DLGAP1: variants seen among roughly 807,000 people sequenced by gnomAD.
The protein encoded by DLGAP1 is disks large-associated protein 1.
A neutral mutation model predicts 90.8 loss-of-function variants in DLGAP1; 11 were observed. The observed-to-expected ratio is 0.12, with a 90% confidence interval of 0.08 to 0.20. The LOEUF is 0.20. DLGAP1 is among the 10% of genes least tolerant of loss of function. The probability of loss-of-function intolerance (pLI) is 1.00; values close to 1 mark genes in which losing one functional copy is unlikely to be tolerated. For synonymous variants in DLGAP1, 558 were observed against 540.7 expected, an observed-to-expected ratio of 1.03 and a Z score of -0.44; for missense variants, 1,050 against 1,333.8, an observed-to-expected ratio of 0.79 and a Z score of 3.31.
intron 1 of DLGAP1, among the ~76,000 whole-genome samples, chr18:4,191,947 A>C (rs1035865035): frequency 3.9e-5 from 6 of 152,324 alleles, no homozygotes; most frequent in African/African-American, 1.4e-4. Flanking sequence ...ATATATGCCC[A>C]ATAATTATTT....
chr18:3,979,608 G>A (rs1294935658), intron 3 of DLGAP1, among the ~76,000 whole-genome samples: 2 of 152,200 alleles, frequency 1.3e-5, no homozygotes, highest in Non-Finnish European at 2.9e-5. Flanking sequence ...AGTGTACAAA[G>A]TTTCAGTTGG....
chr18:4,175,330 T>C (rs1386731705), intron 1 of DLGAP1, among the ~76,000 whole-genome samples: 1 of 152,202 alleles, frequency 6.6e-6, no homozygotes, highest in Non-Finnish European at 1.5e-5. Flanking sequence ...CTTTGTCAGA[T>C]GGGTAGATTG....
At chr18:3,955,820 C>CA (rs1236718820) in intron 3 of DLGAP1, among the ~76,000 whole-genome samples, 1 of 151,634 alleles carries the variant, frequency 6.6e-6, no homozygotes, top group Non-Finnish European at 1.5e-5. Flanking sequence ...CACTAGGTAA[C>CA]ATTAATGCTA....
chr18:3,665,430 C>T (rs1222223753), intron 7 of DLGAP1, among the ~76,000 whole-genome samples: 1 of 152,124 alleles, frequency 6.6e-6, no homozygotes, highest in East Asian at 1.9e-4. Flanking sequence ...CTTAGCTCTA[C>T]GGATATGGAA....
intron 2 of DLGAP1, among the ~76,000 whole-genome samples, chr18:4,146,507 C>CTT (rs1568420327): frequency 6.6e-6 from 1 of 152,104 alleles, no homozygotes; most frequent in Non-Finnish European, 1.5e-5. Context: ...AGATAAGGCA[C>CTT]TAGAATGGAT....
chr18:4,289,078 G>A (rs982805681), intron 1 of DLGAP1, among the ~76,000 whole-genome samples: 14 of 152,206 alleles, frequency 9.2e-5, no homozygotes, highest in Admixed American at 8.5e-4. Flanking sequence ...GGGCAGGAGT[G>A]TTGTTGGAGA....
chr18:4,065,677 C>T (rs1358860101), intron 2 of DLGAP1, among the ~76,000 whole-genome samples: 1 of 151,946 alleles, frequency 6.6e-6, no homozygotes, highest in Non-Finnish European at 1.5e-5. Flanking sequence ...AGAGATGACA[C>T]AAACAAATGA....
chr18:3,738,610 A>G (rs1170484229), intron 6 of DLGAP1, among the ~76,000 whole-genome samples: 1 of 152,096 alleles, frequency 6.6e-6, no homozygotes, highest in Non-Finnish European at 1.5e-5. Flanking sequence ...CTTACACCTT[A>G]TACAAAAATT....
chr18:4,128,641 C>G (rs181822635), intron 2 of DLGAP1, among the ~76,000 whole-genome samples: 1 of 152,144 alleles, frequency 6.6e-6, no homozygotes, highest in Non-Finnish European at 1.5e-5. Flanking sequence ...CAGAGAGACA[C>G]GGGTCCTTAC....
At chr18:4,027,601 G>C (rs1344799468) in intron 2 of DLGAP1, among the ~76,000 whole-genome samples, 5 of 151,474 alleles carry the variant, frequency 3.3e-5, no homozygotes, top group Non-Finnish European at 5.9e-5. Context: ...CCCAGAGTCT[G>C]GGGCATGGTC....
Position 3,600,729 on chromosome 18 carries a change from GATAT to G in DLGAP1, c.1592-18485_1592-18482del, listed in dbSNP as rs1167524065. On this transcript the variant is annotated intron_variant, in intron 7 of 12. Coordinates refer to ENST00000315677, the MANE Select transcript of DLGAP1 (RefSeq NM_004746.4). Reference sequence around the variant, plus strand: ...ATAGCTATATAGATATAGAGATATAGATATATATAGATATATAGATATATATAGA... The same window carrying G: ...ATAGCTATATAGATATAGAGATATAGATATAGATATATAGATATATATAGA... Among the ~76,000 whole-genome samples the G allele has an allele frequency of 5.4e-3, 146 of 26,824 alleles. 16 individuals are homozygous for G. Among genetic ancestry groups the G allele is most frequent in the African/African-American group, 0.027 (134 of 4,896 alleles). The allele number at this position is 26,824 out of a possible 152,430, so 17.6% of individuals were successfully genotyped here.
chr18:3,861,886 G>A (rs2148742297), intron 4 of DLGAP1, among the ~76,000 whole-genome samples: 1 of 152,366 alleles, frequency 6.6e-6, no homozygotes, highest in Middle Eastern at 3.4e-3. Flanking sequence ...TTGGGCTGAA[G>A]TGATCTCTCT....
At chr18:3,756,207 GC>G (rs2063713604) in intron 5 of DLGAP1, among the ~76,000 whole-genome samples, 1 of 151,908 alleles carries the variant, frequency 6.6e-6, no homozygotes, top group Admixed American at 6.6e-5. Context: ...CCACCACGAT[GC>G]CCGGCTAATC....
chr18:3,974,568 T>G (rs1468733486), intron 3 of DLGAP1, among the ~76,000 whole-genome samples: 36 of 152,222 alleles, frequency 2.4e-4, no homozygotes, highest in Non-Finnish European at 4.4e-5. Flanking sequence ...ACTCTCAGCA[T>G]GGCCACTGTT....
At chr18:4,090,735 T>C (rs2143747746) in intron 2 of DLGAP1, among the ~76,000 whole-genome samples, 1 of 152,246 alleles carries the variant, frequency 6.6e-6, no homozygotes, top group African/African-American at 2.4e-5. Context: ...AGCAATCCCA[T>C]CACTGGGTAT....
At chr18:3,943,541 T>C (rs752242097) in intron 3 of DLGAP1, among the ~76,000 whole-genome samples, 3 of 149,774 alleles carry the variant, frequency 2.0e-5, no homozygotes, top group Non-Finnish European at 4.4e-5. Context: ...CTTTTATGAA[T>C]TTGCAAATCG....
chr18:4,256,644 A>T (rs962791739), intron 1 of DLGAP1, among the ~76,000 whole-genome samples: 3 of 151,870 alleles, frequency 2.0e-5, no homozygotes, highest in Non-Finnish European at 4.4e-5. Flanking sequence ...TTCTTGTTAC[A>T]TGAGTTTTTT....
intron 3 of DLGAP1, among the ~76,000 whole-genome samples, chr18:3,996,579 T>C (rs2074075906): frequency 6.6e-6 from 1 of 152,050 alleles, no homozygotes; most frequent in South Asian, 2.1e-4. Context: ...AAGAATGTAA[T>C]ATTTCTCATT....
chr18:4,380,676 T>G (rs1343124289), intron 1 of DLGAP1, among the ~76,000 whole-genome samples: 2 of 152,180 alleles, frequency 1.3e-5, no homozygotes, highest in East Asian at 3.8e-4. Context: ...TTCCTATCTG[T>G]GCACCCCGTT....
Sources: gnomAD v4.1 joint callset for allele counts (sites outside exome capture counted in the v4.1 genomes callset) on GRCh38, gnomAD v4.1.1 for gene constraint, MANE v1.5 for transcripts, NCBI Gene and HGNC (gene_info 2026-07-23, HGNC 2026-07-21) for gene names.